Variants in USP34 observed in about 807,000 individuals in gnomAD.
USP34 encodes the protein ubiquitin specific peptidase 34.
In USP34, 70 loss-of-function variants were observed where a neutral mutation model predicts 460.3. The observed-to-expected ratio is 0.15, with a 90% CI of 0.13 to 0.19. The LOEUF is 0.19. Ranked by LOEUF, USP34 falls within the 10% of genes least tolerant of loss-of-function variation. The pLI, the probability that USP34 is intolerant of heterozygous loss-of-function variation, is 1.00. For synonymous variants in USP34, 1,647 were observed against 1,405.3 expected (o/e 1.17, Z -3.85); for missense variants, 3,985 against 4,236.2 (o/e 0.94, Z 1.65).
At chr2:61,272,623 T>A (rs999170962) in intron 41 of USP34, among the ~76,000 whole-genome samples, 13 of 152,154 alleles carry the variant, frequency 8.5e-5, no homozygotes, top group African/African-American at 3.1e-4. Context: ...GCCCACAGAC[T>A]AATTTTCCAA....
At chr2:61,316,779 G>A (rs898962097) in intron 23 of USP34, among the ~76,000 whole-genome samples, 27 of 150,256 alleles carry the variant, frequency 1.8e-4, no homozygotes, top group East Asian at 5.9e-4. Context: ...CAGATACTTC[G>A]GGAAGCTGAG....
Position 61,265,561 on chromosome 2 carries a change from C to T in USP34, c.5618-4G>A, listed in dbSNP as rs745363718. ...TCCCATTTATAAGGTGCATGGGCTG[C>T]TGAAGAAAGAGGGAGGAAAAGATCC... On this transcript the variant is annotated splice_polypyrimidine_tract_variant and splice_region_variant and intron_variant, in intron 42 of 79. Transcript: ENST00000398571. 6.3e-7 allele frequency: 1 copy of T among 1,579,466 alleles called. No homozygotes were observed. Among genetic ancestry groups the T allele is most frequent in the Admixed American group, 1.8e-5 (1 of 56,252 alleles).
intron 5 of USP34, among the ~76,000 whole-genome samples, chr2:61,384,588 G>C (rs986939431): frequency 6.6e-6 from 1 of 152,016 alleles, no homozygotes; most frequent in African/African-American, 2.4e-5. Context: ...TGGGAGATTC[G>C]CTTGAACCCA....
chr2:61,395,645 G>A (rs1234997953), intron 3 of USP34, among the ~76,000 whole-genome samples: 1 of 149,296 alleles, frequency 6.7e-6, no homozygotes, highest in Non-Finnish European at 1.5e-5. Context: ...AATTAGCCGG[G>A]CGCAGTGGCG....
chr2:61,350,889 T>C (rs1039518418), intron 10 of USP34, among the ~76,000 whole-genome samples, 196 bp from the exon 11 acceptor site: 21 of 152,140 alleles, frequency 1.4e-4, no homozygotes, highest in African/African-American at 5.1e-4. Flanking sequence ...TAAACAGAAA[T>C]GAAACTTAAC....
chr2:61,391,393 G>A (rs1693340207), intron 5 of USP34, among the ~76,000 whole-genome samples: 1 of 152,088 alleles, frequency 6.6e-6, no homozygotes, highest in Non-Finnish European at 1.5e-5. Context: ...TGAGTCCCAG[G>A]AAATGCTATA....
In USP34 at chr2:61,285,833, A is replaced by G. The variant is rs183920960; in HGVS notation, c.4750-876T>C. On this transcript the variant is annotated intron_variant, in intron 34 of 79. Transcript: ENST00000398571. ...GGTTCAACATTCAGCTTCAGGCTAC[A>G]TGATCCTAATATATTTGGAATTCCT... Among the ~76,000 whole-genome samples the G allele has an allele frequency of 1.0e-3, 153 of 152,322 alleles. 1 individual carries two copies. The highest frequency in any genetic ancestry group is 1.0e-3 in the Non-Finnish European group (69 of 68,032).
intron 8 of USP34, among the ~76,000 whole-genome samples, chr2:61,373,524 T>G (rs1692694907): frequency 6.6e-6 from 1 of 150,814 alleles, no homozygotes; most frequent in Non-Finnish European, 1.5e-5. Context: ...TAAAATAGAC[T>G]AAGCCAAAAA....
At chr2:61,261,395 C>G (rs1188651322) in intron 43 of USP34, among the ~76,000 whole-genome samples, 1 of 152,188 alleles carries the variant, frequency 6.6e-6, no homozygotes, top group Non-Finnish European at 1.5e-5. Context: ...AAATAAGCCA[C>G]TCACAGCCAG....
intron 44 of USP34, 37 bp downstream of exon 44, chr2:61,259,674 C>A (rs368135754): frequency 6.3e-7 from 1 of 1,594,888 alleles, no homozygotes; most frequent in Non-Finnish European, 8.6e-7. Flanking sequence ...GCATGAGCCA[C>A]AGTGCCTGGC....
intron 10 of USP34, among the ~76,000 whole-genome samples, chr2:61,369,642 C>CA (rs57947331): frequency 0.07 from 3,002 of 43,002 alleles, 131 homozygotes; most frequent in East Asian, 0.19. Flanking sequence ...GATTCCGTCT[C>CA]AAAAAAAAAA....
At chr2:61,458,099 G>T (rs1412327426) in intron 1 of USP34, among the ~76,000 whole-genome samples, 1 of 152,058 alleles carries the variant, frequency 6.6e-6, no homozygotes, top group African/African-American at 2.4e-5. Flanking sequence ...TGCAATCATA[G>T]AACTGATAGT....
intron 1 of USP34, among the ~76,000 whole-genome samples, chr2:61,468,081 C>T (rs890357944): frequency 6.6e-6 from 1 of 152,116 alleles, no homozygotes; most frequent in African/African-American, 2.4e-5. Flanking sequence ...TCCAACCACT[C>T]ATGTTCATTA....
chr2:61,243,928 G>A (rs1017990415), intron 51 of USP34, among the ~76,000 whole-genome samples: 12 of 150,974 alleles, frequency 7.9e-5, no homozygotes, highest in African/African-American at 2.9e-4. Context: ...GTTTAGTGGT[G>A]GCTTTAGCAG....
chr2:61,347,956 A>C lies in USP34; in HGVS notation c.2199T>G (p.Thr733=). ...ITRTGDFLGE[T]IGNELFNCRQ... ...GACAATTAAATAATTCATTCCCAAT[A>C]GTCTCCCCAAGGAAGTCCCCAGTTC... is the stretch of plus-strand genomic sequence containing the variant. Residue 733 remains threonine, a synonymous_variant, in exon 15 of 80, where the codon ACT becomes ACG. Transcript: ENST00000398571. 1 of 1,614,102 alleles carries C rather than the reference A, an allele frequency of 6.2e-7. No individual in the cohort carries two copies. The highest frequency in any genetic ancestry group is 8.5e-7 in the Non-Finnish European group (1 of 1,180,016).
chr2:61,311,312 C>T (rs1031063012), intron 27 of USP34, among the ~76,000 whole-genome samples: 4 of 152,088 alleles, frequency 2.6e-5, no homozygotes, highest in Admixed American at 6.6e-5. Flanking sequence ...GAGAGGAGCC[C>T]TCACCAGATG....
At chr2:61,346,445 G>C (rs1014270297) in intron 15 of USP34, 3 of 145,408 alleles carry the variant, frequency 2.1e-5, no homozygotes, top group Non-Finnish European at 3.0e-5. Context: ...AGGATTGCTT[G>C]AGCCCAAGAG....
chr2:61,316,211 G>A (rs1036291537), intron 23 of USP34, among the ~76,000 whole-genome samples: 1 of 151,376 alleles, frequency 6.6e-6, no homozygotes, highest in Non-Finnish European at 1.5e-5. Flanking sequence ...CAAGGGTTAG[G>A]ACTAAAAAAA....
At chr2:61,350,777 A>G (rs1691920830) in intron 10 of USP34, 84 bp from the exon 11 acceptor site, 2 of 1,447,986 alleles carry the variant, frequency 1.4e-6, no homozygotes, top group East Asian at 2.4e-5. Flanking sequence ...TTTGAAAGTC[A>G]AAAAGTTGGC....
Sources: allele counts gnomAD v4.1 joint callset (sites outside exome capture counted in the v4.1 genomes callset), GRCh38; gene constraint gnomAD v4.1.1; transcripts MANE v1.5; gene names NCBI Gene and HGNC (gene_info 2026-07-23, HGNC 2026-07-21).